PRDM8: variants seen among roughly 807,000 people sequenced by gnomAD.
The protein encoded by PRDM8 is PR domain zinc finger protein 8.
In PRDM8, 13 loss-of-function variants were observed where a neutral mutation model predicts 46.5. The observed-to-expected ratio is 0.28, with a 90% CI of 0.18 to 0.44. The LOEUF is 0.44. Among genes scored for constraint, PRDM8 ranks in the 20% least tolerant of loss-of-function variants. The probability of loss-of-function intolerance (pLI) is 1.00; values close to 1 mark genes in which losing one functional copy is unlikely to be tolerated. For synonymous variants in PRDM8, 473 were observed against 438.4 expected (o/e 1.08, Z -0.98); for missense variants, 998 against 955.0 (o/e 1.04, Z -0.59).
intron 1 of PRDM8, among the ~76,000 whole-genome samples, chr4:80,198,253 T>G (rs1560472182): frequency 6.6e-6 from 1 of 152,232 alleles, no homozygotes; most frequent in Non-Finnish European, 1.5e-5. Context: ...AGGACCTTTT[T>G]GCCGTATTGT....
chr4:80,200,309 C>T lies in PRDM8; in HGVS notation c.219+10C>T. 1.3e-6 allele frequency: 2 copies of T among 1,596,736 alleles called. No homozygotes were observed. Among genetic ancestry groups the T allele is most frequent in the Non-Finnish European group, 1.7e-6 (2 of 1,164,626 alleles). ...ACCGTATATCTTTCGGGTAAGTCTC[C>T]ACTGTAGCTGTGTAGGTGTATGAGG... On this transcript the variant is annotated intron_variant, in intron 2 of 3. Coordinates refer to ENST00000415738, the MANE Select transcript of PRDM8 (RefSeq NM_001099403.2).
In PRDM8 at chr4:80,185,690, C is replaced by G. The variant is rs148565937; in HGVS notation, c.-983+172C>G. Among the ~76,000 whole-genome samples the G allele has an allele frequency of 3.4e-3, 523 of 152,280 alleles. 3 individuals carry two copies. Among genetic ancestry groups the G allele is most frequent in the African/African-American group, 0.012 (490 of 41,542 alleles). On this transcript the variant is annotated intron_variant, in intron 1 of 9. Coordinates refer to the PRDM8 transcript ENST00000339711. ...GAGGGCACTAGGACAACAGGAGGGG[C>G]GCACCTGCAATACGGATGAGTTCAG...
intron 1 of PRDM8, among the ~76,000 whole-genome samples, chr4:80,199,737 G>GTGTGTGTGTGTGTA (rs1553905032): frequency 0.053 from 7,359 of 140,164 alleles, 252 homozygotes; most frequent in East Asian, 0.11. Context: ...GTGTGTGTGT[G>GTGTGTGTGTGTGTA]TACATATATA....
chr4:80,202,235 C>T lies in PRDM8; in HGVS notation c.773C>T (p.Ser258Phe). 3 of 1,611,800 alleles carry T rather than the reference C, an allele frequency of 1.9e-6. No individual in the cohort carries two copies. Among genetic ancestry groups the T allele is most frequent in the Non-Finnish European group, 2.5e-6 (3 of 1,179,696 alleles). The change falls in exon 4 of 4, where the codon TCC becomes TTC. Residue 258 changes from serine to phenylalanine, a missense_variant. By Grantham distance (155) the Ser-to-Phe change is radical. Transcript: ENST00000415738. The part of the protein sequence containing the change: ...AAAGGSSAKP[S>F]TDFHNLAREL... The stretch of plus-strand genomic sequence containing the variant: ...GCCGGCGGCAGCAGCGCGAAGCCAT[C>T]CACAGACTTCCACAACCTGGCCAGG...
chr4:80,201,966 C>T lies in PRDM8; in HGVS notation c.504C>T (p.Phe168=), dbSNP rs765056822. The change falls in exon 4 of 4, where the codon TTC becomes TTT. Residue 168 remains phenylalanine, a synonymous_variant. Coordinates refer to ENST00000415738, the MANE Select transcript of PRDM8 (RefSeq NM_001099403.2). ...GCAGCCAACGTTTCCAGTTTGAGTT[C>T]CCCTATGTGGCGCATCTGCGTTTCC... The part of the protein sequence containing the change: ...LECSQRFQFE[F]PYVAHLRFRC... The T allele has an allele frequency of 6.2e-7, 1 of 1,614,070 alleles. No homozygotes were observed. Among genetic ancestry groups the T allele is most frequent in the Non-Finnish European group, 8.5e-7 (1 of 1,180,012 alleles).
At position 80,200,350 on chromosome 4, in the gene PRDM8, A is replaced by C. The variant is rs769760498; in HGVS notation, c.219+51A>C. On this transcript the variant is annotated intron_variant, in intron 2 of 3. Coordinates refer to ENST00000415738, the MANE Select transcript of PRDM8 (RefSeq NM_001099403.2). ...GTGTATGAGGGTAATGTCCTGTTGG[A>C]AATGGACTAAAAATAATTATAATGA... is the stretch of plus-strand genomic sequence containing the variant. 1.2e-5 allele frequency: 18 copies of C among 1,467,972 alleles called. 1 individual carries two copies. The Admixed American group carries it at 2.2e-4, about 18-fold the overall frequency. 90.9% of individuals were successfully genotyped at this position (1,467,972 alleles called of 1,614,324 possible).
chr4:80,195,728 C>G (rs1410510475), upstream of PRDM8, among the ~76,000 whole-genome samples: 1 of 152,122 alleles, frequency 6.6e-6, no homozygotes, highest in Non-Finnish European at 1.5e-5. Flanking sequence ...GTACATAAAA[C>G]TGCACTTCAA....
chr4:80,191,036 T>C (rs1352081755), intron 1 of PRDM8, among the ~76,000 whole-genome samples: 1 of 152,228 alleles, frequency 6.6e-6, no homozygotes, highest in Non-Finnish European at 1.5e-5. Context: ...AGCTATTCAA[T>C]TTGCTCCCTT....
upstream of PRDM8, among the ~76,000 whole-genome samples, chr4:80,195,436 T>C (rs998745155): frequency 6.6e-6 from 1 of 152,216 alleles, no homozygotes; most frequent in African/African-American, 2.4e-5. Context: ...GACATTATTT[T>C]CACATTTCTA....
upstream of PRDM8, among the ~76,000 whole-genome samples, chr4:80,195,098 A>G (rs1175694216): frequency 6.6e-6 from 1 of 152,216 alleles, no homozygotes; most frequent in Non-Finnish European, 1.5e-5. Flanking sequence ...ATAATTTTTT[A>G]ATGGTTTGCA....
intron 1 of PRDM8, among the ~76,000 whole-genome samples, chr4:80,186,166 GGTT>G (rs1314739243): frequency 6.6e-6 from 1 of 152,154 alleles, no homozygotes; most frequent in African/African-American, 2.4e-5. Flanking sequence ...GGAAAGACTG[GGTT>G]GTTATAGAAA....
intron 1 of PRDM8, among the ~76,000 whole-genome samples, chr4:80,198,994 G>T (rs2867708): frequency 0.17 from 10,664 of 64,136 alleles, 646 homozygotes; most frequent in East Asian, 0.33. Context: ...TTTTTTTTTT[G>T]TTTTTTTTTT....
In PRDM8 at chr4:80,202,810, G is replaced by C; in HGVS notation, c.1348G>C (p.Glu450Gln). The C allele has an allele frequency of 8.2e-7, 1 of 1,226,078 alleles. No individual in the cohort carries two copies. The highest frequency in any genetic ancestry group is 1.0e-6 in the Non-Finnish European group (1 of 986,462). The allele number at this position is 1,226,078 out of a possible 1,614,324, so 75.9% of individuals were successfully genotyped here. Residue 450 changes from glutamate (E) to glutamine (Q), a missense_variant, in exon 4 of 4, where the codon GAG becomes CAG. Glu to Gln is a conservative substitution (Grantham distance 29). Coordinates refer to ENST00000415738, the MANE Select transcript of PRDM8 (RefSeq NM_001099403.2). ...TGGGGGCCCGCTGCCCAGCCGGCTC[G>C]AGGGCGGCAGTCCTGCGAGGGGCAG... ...RPGGPLPSRLEGGSPARGSAF... is the reference protein window; with the variant it reads ...RPGGPLPSRLQGGSPARGSAF...
At chr4:80,200,355 G>A in intron 2 of PRDM8, 56 bp downstream of exon 2, 2 of 1,454,988 alleles carry the variant, frequency 1.4e-6, no homozygotes, top group South Asian at 1.2e-5. Flanking sequence ...GTTGGAAATG[G>A]ACTAAAAATA....
intron 1 of PRDM8, among the ~76,000 whole-genome samples, chr4:80,199,709 A>ATGTGTGTGTGTG (rs34334135): frequency 1.4e-3 from 180 of 133,004 alleles, no homozygotes; most frequent in Middle Eastern, 7.5e-3. Context: ...ATATATATAT[A>ATGTGTGTGTGTG]TGTGTGTGTG....
In PRDM8 at chr4:80,203,684, C is replaced by A; in HGVS notation, c.*152C>A. 11 of 1,344,496 alleles carry A rather than the reference C, an allele frequency of 8.2e-6. No individual in the cohort carries two copies. The highest frequency in any genetic ancestry group is 8.7e-6 in the Non-Finnish European group (9 of 1,030,166). 83.3% of individuals were successfully genotyped at this position (1,344,496 alleles called of 1,614,324 possible). A position where few individuals can be genotyped will look rare whatever the true frequency, so the allele number is the denominator to read the frequency against. ...CGCCCCCCCGCCCCCCCAACGCGCA[C>A]ACACACGTCCTCTCCTCCCAGGAAC... On this transcript the variant is annotated 3_prime_UTR_variant, in exon 4 of 4. Coordinates refer to ENST00000415738, the MANE Select transcript of PRDM8 (RefSeq NM_001099403.2).
At chr4:80,191,908 G>A (rs1737575290) in intron 2 of PRDM8, among the ~76,000 whole-genome samples, 1 of 152,170 alleles carries the variant, frequency 6.6e-6, no homozygotes, top group Non-Finnish European at 1.5e-5. Flanking sequence ...TGAAGAAATT[G>A]AACCATATTT....
chr4:80,196,673 T>TA, upstream of PRDM8: 1 of 959,960 alleles, frequency 1.0e-6, no homozygotes, highest in Non-Finnish European at 1.2e-6. Flanking sequence ...GTACCCATTA[T>TA]AGACTCCCTC....
Position 80,199,018 on chromosome 4 carries a change from T to TTTTTTTTTA in PRDM8, c.-2-1061_-2-1060insTTTTTTTTA, listed in dbSNP as rs1553904883. Among the ~76,000 whole-genome samples, 26 of 89,182 alleles carry TTTTTTTTTA rather than the reference T, an allele frequency of 2.9e-4. 1 individual carries two copies. The highest frequency in any genetic ancestry group is 2.4e-3 in the East Asian group (4 of 1,670). 58.5% of individuals were successfully genotyped at this position (89,182 alleles called of 152,430 possible). A position where few individuals can be genotyped will look rare whatever the true frequency, so the allele number is the denominator to read the frequency against. On this transcript the variant is annotated intron_variant, in intron 1 of 3. Transcript: ENST00000415738. ...TGTTTTTTTTTTTTTTTTTTTTTTT[T>TTTTTTTTTA]AGTGATAAGTCTTGTATGGGGTGTC...
Sources: gnomAD v4.1 joint callset for allele counts (sites outside exome capture counted in the v4.1 genomes callset) on GRCh38, gnomAD v4.1.1 for gene constraint, MANE v1.5 for transcripts, NCBI Gene and HGNC (gene_info 2026-07-23, HGNC 2026-07-21) for gene names.